The following COL5A2 variants were observed in gnomAD, a reference collection of about 807,000 sequenced individuals.
COL5A2 encodes collagen alpha-2(V) chain.
A neutral mutation model predicts 208.2 loss-of-function variants in COL5A2; 23 were observed. The observed-to-expected ratio is 0.11, with a 90% confidence interval of 0.08 to 0.16. The LOEUF (loss-of-function observed/expected upper bound fraction) is 0.16, where lower values mean the gene tolerates loss of function less well. COL5A2 is among the 10% of genes least tolerant of loss of function. The pLI is 1.00. For synonymous variants in COL5A2, 625 were observed against 628.5 expected (o/e 0.99, Z 0.08); for missense variants, 1,590 against 1,956.4 (o/e 0.81, Z 3.53).
chr2:189,363,273 T>A, the COL5A2 span, among the ~76,000 whole-genome samples: 3 of 152,122 alleles, frequency 2.0e-5, no homozygotes, highest in South Asian at 6.2e-4. Flanking sequence ...AGTTTCTCCA[T>A]TAAGTATAAT....
chr2:189,374,322 G>C, the COL5A2 span, among the ~76,000 whole-genome samples: 2 of 149,030 alleles, frequency 1.3e-5, no homozygotes, highest in African/African-American at 4.9e-5. Flanking sequence ...TTTTTTTTGA[G>C]GGAGAAATAT....
Position 189,054,200 on chromosome 2 carries a change from G to T in COL5A2, c.2404C>A (p.Pro802Thr), listed in dbSNP as rs1336044373. The T allele has an allele frequency of 6.2e-7, 1 of 1,613,832 alleles. No individual in the cohort carries two copies. The highest frequency in any genetic ancestry group is 8.5e-7 in the Non-Finnish European group (1 of 1,179,736). ...CCTGCCGGACCTGGAGGGCCCAAAG[G>T]ACCTGGAAGACCCTGTCAATTAACA... is the stretch of plus-strand genomic sequence containing the variant. ...GNDGARGLPG[P>T]LGPPGPAGPT... Residue 802 changes from proline to threonine, a missense_variant, in exon 36 of 54, where the codon CCT becomes ACT. Coordinates refer to ENST00000374866, the MANE Select transcript of COL5A2 (RefSeq NM_000393.5).
At chr2:189,059,637 AGGCTGGAGTACAATGGT>A (rs1207967177) in intron 31 of COL5A2, among the ~76,000 whole-genome samples, 1 of 73,084 alleles carries the variant, frequency 1.4e-5, no homozygotes, top group African/African-American at 4.6e-5. Context: ...TCTATCACCC[AGGCTGGAGTACAATGGT>A]GGCATGATCT....
At chr2:189,423,910 C>T in the COL5A2 span, among the ~76,000 whole-genome samples, 1 of 151,252 alleles carries the variant, frequency 6.6e-6, no homozygotes, top group Non-Finnish European at 1.5e-5. Flanking sequence ...AAAAAAGCTA[C>T]AGGCCAACAT....
At chr2:189,406,489 T>A in the COL5A2 span, among the ~76,000 whole-genome samples, 1 of 152,168 alleles carries the variant, frequency 6.6e-6, no homozygotes, top group Admixed American at 6.5e-5. Context: ...CAAATTATAT[T>A]CTTAACATTG....
At chr2:189,104,238 A>T in intron 3 of COL5A2, 26 bp downstream of exon 3, 1 of 1,489,084 alleles carries the variant, frequency 6.7e-7, no homozygotes, top group Non-Finnish European at 9.4e-7. Flanking sequence ...GCTTATGAAA[A>T]AGAAAATATG....
chr2:189,355,538 C>T, the COL5A2 span, among the ~76,000 whole-genome samples: 1 of 152,034 alleles, frequency 6.6e-6, no homozygotes, highest in Non-Finnish European at 1.5e-5. Context: ...ATGTAATGCC[C>T]TTCTTTGTCT....
chr2:189,160,474 A>G (rs1201387963), intron 1 of COL5A2, among the ~76,000 whole-genome samples: 1 of 152,114 alleles, frequency 6.6e-6, no homozygotes, highest in Non-Finnish European at 1.5e-5. Context: ...AAGCCTATAA[A>G]CAGCCTACTC....
At chr2:189,327,770 A>G in the COL5A2 span, among the ~76,000 whole-genome samples, 4 of 152,234 alleles carry the variant, frequency 2.6e-5, no homozygotes, top group African/African-American at 9.7e-5. Flanking sequence ...TTAAAACAAT[A>G]CTGAGTTATA....
chr2:189,425,440 A>T, the COL5A2 span, among the ~76,000 whole-genome samples: 1 of 152,256 alleles, frequency 6.6e-6, no homozygotes, highest in South Asian at 2.1e-4. Flanking sequence ...ATATGGAATC[A>T]ATTTAAGTAT....
In COL5A2 at chr2:189,090,357, G is replaced by A. The variant is rs559484891; in HGVS notation, c.568-1585C>T. On this transcript the variant is annotated intron_variant, in intron 7 of 53. Transcript: ENST00000374866. ...AAAAGTTGGAAGCTAGAAAATGTTG[G>A]TTTATGAGGTTAAAGGAAAGAAGCC... Among the ~76,000 whole-genome samples, 70 of 152,298 alleles carry A rather than the reference G, an allele frequency of 4.6e-4. 1 individual carries two copies. The South Asian group carries it at 0.014, about 31-fold the overall frequency.
the COL5A2 span, among the ~76,000 whole-genome samples, chr2:189,280,328 TA>T: frequency 6.6e-6 from 1 of 152,190 alleles, no homozygotes; most frequent in Non-Finnish European, 1.5e-5. Flanking sequence ...AATAATTTAA[TA>T]ATTTCATTTA....
At chr2:189,057,607 G>A (rs1221102980) in intron 33 of COL5A2, among the ~76,000 whole-genome samples, 180 bp from the exon 34 acceptor site, 1 of 152,078 alleles carries the variant, frequency 6.6e-6, no homozygotes, top group African/African-American at 2.4e-5. Context: ...AAAAAAACCA[G>A]ATTTTGTTTT....
chr2:189,042,676 G>T, intron 49 of COL5A2, 44 bp downstream of exon 49: 1 of 1,555,800 alleles, frequency 6.4e-7, no homozygotes, highest in South Asian at 1.1e-5. Context: ...ATCAACAAAG[G>T]CATTATTATT....
At chr2:189,265,588 G>A in the COL5A2 span, among the ~76,000 whole-genome samples, 1 of 152,040 alleles carries the variant, frequency 6.6e-6, no homozygotes, top group Non-Finnish European at 1.5e-5. Context: ...TTCCAAATGT[G>A]GTTACATTCA....
At chr2:189,320,382 A>T in the COL5A2 span, among the ~76,000 whole-genome samples, 1 of 152,222 alleles carries the variant, frequency 6.6e-6, no homozygotes, top group Non-Finnish European at 1.5e-5. Context: ...TAAAGGGGGA[A>T]GTTTGAACCC....
chr2:189,070,915 G>A (rs1414479525), intron 18 of COL5A2, among the ~76,000 whole-genome samples: 2 of 152,158 alleles, frequency 1.3e-5, no homozygotes, highest in Non-Finnish European at 2.9e-5. Context: ...AAGGAATTAA[G>A]GCACTATTTT....
intron 1 of COL5A2, among the ~76,000 whole-genome samples, chr2:189,223,039 A>G (rs567376426): frequency 5.9e-5 from 9 of 152,212 alleles, no homozygotes; most frequent in Non-Finnish European, 1.3e-4. Flanking sequence ...CTAAATTTCA[A>G]TTAAAAAGGT....
At chr2:189,395,526 T>C in the COL5A2 span, among the ~76,000 whole-genome samples, 1 of 152,326 alleles carries the variant, frequency 6.6e-6, no homozygotes, top group South Asian at 2.1e-4. Context: ...ACTAAATTTA[T>C]ATTAGTTAGT....
Sources: gnomAD v4.1 joint callset for allele counts (sites outside exome capture counted in the v4.1 genomes callset) on GRCh38, gnomAD v4.1.1 for gene constraint, MANE v1.5 for transcripts, NCBI Gene and HGNC (gene_info 2026-07-23, HGNC 2026-07-21) for gene names.